KCNQ3: variants seen among roughly 807,000 people sequenced by gnomAD.
KCNQ3 encodes potassium voltage-gated channel subfamily Q member 3.
Under a neutral mutation model 92.5 loss-of-function variants are expected in KCNQ3, and 30 were observed. The ratio of observed to expected loss-of-function variants is 0.32; its 90% CI spans 0.24 to 0.44. KCNQ3 has a LOEUF of 0.44. Ranked by LOEUF, KCNQ3 falls within the 20% of genes least tolerant of loss-of-function variation. The pLI is 1.00. For missense variants in KCNQ3, 913 were observed against 1,140.3 expected, an observed-to-expected ratio of 0.80 and a Z score of 2.87; for synonymous variants, 450 against 468.8, an observed-to-expected ratio of 0.96 and a Z score of 0.52.
chr8:132,275,052 C>A (rs143820736), intron 1 of KCNQ3, among the ~76,000 whole-genome samples: 1 of 151,992 alleles, frequency 6.6e-6, no homozygotes, highest in Admixed American at 6.5e-5. Context: ...GTGGGAGGGG[C>A]GTGGGGAGGT....
chr8:132,366,844 C>G (rs917272882), intron 1 of KCNQ3, among the ~76,000 whole-genome samples: 5 of 152,096 alleles, frequency 3.3e-5, no homozygotes, highest in African/African-American at 9.7e-5. Flanking sequence ...TTGCTGGACT[C>G]TCTTTGCTAA....
chr8:132,337,753 T>TA (rs1328565481), intron 1 of KCNQ3, among the ~76,000 whole-genome samples: 2 of 152,126 alleles, frequency 1.3e-5, no homozygotes, highest in Non-Finnish European at 2.9e-5. Context: ...AATGTGAGGA[T>TA]AAAAATCAAT....
chr8:132,334,671 C>T (rs950997328), intron 1 of KCNQ3, among the ~76,000 whole-genome samples: 1 of 152,196 alleles, frequency 6.6e-6, no homozygotes, highest in Non-Finnish European at 1.5e-5. Context: ...GATGAGAATA[C>T]CTCAGAGATA....
At chr8:132,440,197 A>T (rs1024954850) in intron 1 of KCNQ3, among the ~76,000 whole-genome samples, 1 of 151,470 alleles carries the variant, frequency 6.6e-6, no homozygotes, top group African/African-American at 2.4e-5. Context: ...ATTGGTTTGA[A>T]CTCTTGGATG....
intron 1 of KCNQ3, among the ~76,000 whole-genome samples, chr8:132,302,760 T>G (rs146523918): frequency 2.6e-5 from 4 of 152,298 alleles, no homozygotes; most frequent in Non-Finnish European, 5.9e-5. Flanking sequence ...TCCTAGATGT[T>G]GAGTCATAAT....
chr8:132,123,057 C>A lies in KCNQ3; in HGVS notation c.*6205G>T, dbSNP rs886062664. 2 of 152,146 alleles carry A rather than the reference C, an allele frequency of 1.3e-5. No individual in the cohort carries two copies. The highest frequency in any genetic ancestry group is 2.4e-5 in the African/African-American group (1 of 41,416). The allele number at this position is 152,146 out of a possible 1,614,324, so 9.4% of individuals were successfully genotyped here. The stretch of plus-strand genomic sequence containing the variant: ...CCAGAGATCCCAGTGCAAAGGGACA[C>A]CTTTGGTAAAACTGGCCACTTTGGG... On this transcript the variant is annotated 3_prime_UTR_variant, in exon 15 of 15. Transcript: ENST00000388996.
At chr8:132,238,149 C>T (rs555149375) in intron 1 of KCNQ3, among the ~76,000 whole-genome samples, 1 of 152,216 alleles carries the variant, frequency 6.6e-6, no homozygotes, top group South Asian at 2.1e-4. Flanking sequence ...CATTCCTTTC[C>T]CTTTCGGTGC....
At chr8:132,188,843 G>A (rs952334097) in intron 1 of KCNQ3, among the ~76,000 whole-genome samples, 1 of 152,196 alleles carries the variant, frequency 6.6e-6, no homozygotes, top group South Asian at 2.1e-4. Flanking sequence ...CAGCCAAGAG[G>A]TTGGAAGGAA....
chr8:132,177,696 C>T (rs1269676478), intron 4 of KCNQ3, among the ~76,000 whole-genome samples: 1 of 152,218 alleles, frequency 6.6e-6, no homozygotes, highest in Non-Finnish European at 1.5e-5. Context: ...AAGTTTAACC[C>T]TGTGCAACAG....
chr8:132,394,772 C>G (rs1820149925), intron 1 of KCNQ3, among the ~76,000 whole-genome samples: 1 of 152,204 alleles, frequency 6.6e-6, no homozygotes. Context: ...CAGATTGGAT[C>G]ATTTGCTTAT....
At chr8:132,396,982 AAG>A (rs762265502) in intron 1 of KCNQ3, among the ~76,000 whole-genome samples, 163 of 146,468 alleles carry the variant, frequency 1.1e-3, no homozygotes, top group Non-Finnish European at 1.0e-3. Context: ...GTGTGGGAGA[AAG>A]AGAGAGAGAG....
intron 1 of KCNQ3, among the ~76,000 whole-genome samples, chr8:132,297,656 C>T (rs2130573708): frequency 2.4e-5 from 1 of 41,046 alleles, no homozygotes; most frequent in South Asian, 1.3e-3. Context: ...TACAATAAGA[C>T]ATAACCCTCT....
At chr8:132,457,924 G>A (rs1420322512) in intron 1 of KCNQ3, among the ~76,000 whole-genome samples, 1 of 152,168 alleles carries the variant, frequency 6.6e-6, no homozygotes, top group East Asian at 1.9e-4. Flanking sequence ...ACATCTGACA[G>A]CAGAGCCCAC....
intron 1 of KCNQ3, among the ~76,000 whole-genome samples, chr8:132,393,231 TC>T (rs950510394): frequency 6.6e-6 from 1 of 152,214 alleles, no homozygotes; most frequent in Non-Finnish European, 1.5e-5. Flanking sequence ...TTTATTTTCT[TC>T]CTAGTCCTTA....
At chr8:132,165,845 G>A (rs1476977986) in intron 8 of KCNQ3, among the ~76,000 whole-genome samples, 1 of 152,178 alleles carries the variant, frequency 6.6e-6, no homozygotes, top group East Asian at 1.9e-4. Context: ...TATAAAAATG[G>A]GGTTATGAAA....
At chr8:132,373,231 C>G (rs972180519) in intron 1 of KCNQ3, among the ~76,000 whole-genome samples, 15 of 137,076 alleles carry the variant, frequency 1.1e-4, no homozygotes, top group Non-Finnish European at 1.6e-4. Context: ...GAGAGGGAGA[C>G]CAGAGAGAGA....
intron 1 of KCNQ3, among the ~76,000 whole-genome samples, chr8:132,408,513 T>C (rs1820558943): frequency 6.6e-6 from 1 of 152,206 alleles, no homozygotes; most frequent in African/African-American, 2.4e-5. Context: ...TCTCCTCCCC[T>C]GGTGTGCATA....
At chr8:132,182,024 G>A (rs773088563) in intron 3 of KCNQ3, among the ~76,000 whole-genome samples, 11 of 142,304 alleles carry the variant, frequency 7.7e-5, no homozygotes, top group Admixed American at 1.4e-4. Context: ...CAGCCTGGGC[G>A]ACAAGAGCGA....
chr8:132,240,182 C>CTTTTTTT (rs11342824), intron 1 of KCNQ3, among the ~76,000 whole-genome samples: 6 of 111,910 alleles, frequency 5.4e-5, no homozygotes, highest in Non-Finnish European at 8.8e-5. Context: ...TGCCATGATT[C>CTTTTTTT]TTTTTTTTTT....
Sources: gnomAD v4.1 joint callset for allele counts (sites outside exome capture counted in the v4.1 genomes callset) on GRCh38, gnomAD v4.1.1 for gene constraint, MANE v1.5 for transcripts, NCBI Gene and HGNC (gene_info 2026-07-23, HGNC 2026-07-21) for gene names.